NLN: variants seen among roughly 807,000 people sequenced by gnomAD.
NLN encodes the protein neurolysin, mitochondrial.
In NLN, 64 loss-of-function variants were observed where a neutral mutation model predicts 79.9. That is an observed-to-expected ratio of 0.80 (90% CI 0.65 to 0.99). NLN has a LOEUF of 0.99. Ranked by LOEUF, NLN falls within the 50% of genes least tolerant of loss-of-function variation. The probability of loss-of-function intolerance (pLI) is 0.00; values close to 1 mark genes in which losing one functional copy is unlikely to be tolerated. For synonymous variants in NLN, 267 were observed against 296.6 expected, an observed-to-expected ratio of 0.90 and a Z score of 1.02; for missense variants, 835 against 858.7, an observed-to-expected ratio of 0.97 and a Z score of 0.34.
chr5:65,724,330 A>G (rs1758407686), intron 1 of NLN, among the ~76,000 whole-genome samples: 1 of 152,296 alleles, frequency 6.6e-6, no homozygotes, highest in African/African-American at 2.4e-5. Flanking sequence ...GGTCCCTTAT[A>G]TAAGTGGAAT....
chr5:65,796,070 G>T (rs539572237), intron 9 of NLN, among the ~76,000 whole-genome samples: 1 of 152,024 alleles, frequency 6.6e-6, no homozygotes, highest in Non-Finnish European at 1.5e-5. Flanking sequence ...CAGACCCCTC[G>T]AAGCCCTCAC....
At chr5:65,761,781 T>C (rs1332564290) in intron 2 of NLN, among the ~76,000 whole-genome samples, 5 of 152,344 alleles carry the variant, frequency 3.3e-5, no homozygotes, top group East Asian at 3.9e-4. Context: ...TTTATTCTGA[T>C]ATTTGTGGCA....
intron 9 of NLN, among the ~76,000 whole-genome samples, chr5:65,800,939 T>C (rs1760273254): frequency 6.6e-6 from 1 of 152,064 alleles, no homozygotes; most frequent in Admixed American, 6.6e-5. Flanking sequence ...TCAATTCTCC[T>C]GCTTCTACGT....
rs1233471396 is a variant in NLN, at chr5:65,809,582, T to A, written c.1595T>A (p.Leu532His). 2 of 1,613,818 alleles carry A rather than the reference T, an allele frequency of 1.2e-6. No individual in the cohort carries two copies. Among genetic ancestry groups the A allele is most frequent in the African/African-American group, 2.7e-5 (2 of 74,924 alleles). ...TTTGTAGAGGTGCCATCGCAAATGCTTGAAAATTGGGTGTGGGACGTCGAT... is the reference window on the plus strand; with the variant it reads ...TTTGTAGAGGTGCCATCGCAAATGCATGAAAATTGGGTGTGGGACGTCGAT... ...TDFVEVPSQMLENWVWDVDSL... is the reference protein window; with the variant it reads ...TDFVEVPSQMHENWVWDVDSL... The change falls in exon 10 of 13, where the codon CTT (leucine) becomes CAT (histidine). Residue 532 changes from leucine (L) to histidine (H), a missense_variant. Coordinates refer to ENST00000380985, the MANE Select transcript of NLN (RefSeq NM_020726.5).
intron 4 of NLN, among the ~76,000 whole-genome samples, chr5:65,779,112 C>T (rs914803047): frequency 1.3e-5 from 2 of 152,116 alleles, no homozygotes; most frequent in Non-Finnish European, 2.9e-5. Context: ...CTGAACAGTG[C>T]GTTAGGTCAG....
At chr5:65,792,822 A>G (rs750289343) in intron 9 of NLN, 167 bp downstream of exon 9, 1 of 683,622 alleles carries the variant, frequency 1.5e-6, no homozygotes, top group South Asian at 1.5e-5. Context: ...GTCCTCTTTC[A>G]CAACATATTT....
chr5:65,787,635 ATGGGG>A (rs1164319202), intron 7 of NLN, among the ~76,000 whole-genome samples: 4 of 152,220 alleles, frequency 2.6e-5, no homozygotes, highest in Admixed American at 2.0e-4. Flanking sequence ...CTTCACAGAA[ATGGGG>A]TAATGAGAAA....
In NLN at chr5:65,733,154, G is replaced by A. The variant is rs901487223; in HGVS notation, c.41+10740G>A. Reference sequence around the variant, plus strand: ...TCTGTCATGCTTACCTAGCTGATCGGGACATGGAGTGTCTGTCTTAGTAAC... The same window carrying A: ...TCTGTCATGCTTACCTAGCTGATCGAGACATGGAGTGTCTGTCTTAGTAAC... On this transcript the variant is annotated intron_variant, in intron 1 of 12. Transcript: ENST00000380985. 13 of 1,482,344 alleles carry A rather than the reference G, an allele frequency of 8.8e-6. 3 individuals are homozygous for A. The highest frequency in any genetic ancestry group is 1.2e-5 in the Non-Finnish European group (13 of 1,074,238). 91.8% of individuals were successfully genotyped at this position (1,482,344 alleles called of 1,614,324 possible).
chr5:65,814,378 G>T (rs967721424), intron 12 of NLN, among the ~76,000 whole-genome samples: 2 of 152,106 alleles, frequency 1.3e-5, no homozygotes, highest in South Asian at 4.2e-4. Context: ...ACAAGTTTAT[G>T]TGTTCCCTTA....
At position 65,809,651 on chromosome 5, in the gene NLN, T is replaced by C. The variant is rs1417056085; in HGVS notation, c.1664T>C (p.Ile555Thr). The change falls in exon 10 of 13, where the codon ATT becomes ACT. Residue 555 changes from isoleucine to threonine, a missense_variant. By Grantham distance (89) the Ile-to-Thr change is moderately conservative (BLOSUM62 -1). Transcript: ENST00000380985. ...AAACATTATAAAGATGGAAGCCCTA[T>C]TGCAGACGATCTGCTTGAAAAACTT... ...LSKHYKDGSP[I>T]ADDLLEKLVA... 5 of 1,613,448 alleles carry C rather than the reference T, an allele frequency of 3.1e-6. No individual in the cohort carries two copies. The highest frequency in any genetic ancestry group is 4.2e-6 in the Non-Finnish European group (5 of 1,179,852).
chr5:65,809,268 T>G, intron 9 of NLN: 1 of 353,334 alleles, frequency 2.8e-6, no homozygotes, highest in Admixed American at 4.4e-5. Context: ...CTGATGATTG[T>G]TCCAACTTTG....
intron 9 of NLN, among the ~76,000 whole-genome samples, chr5:65,803,038 C>T (rs759152801): frequency 4.6e-5 from 7 of 152,194 alleles, no homozygotes; most frequent in Non-Finnish European, 1.0e-4. Context: ...AGCTGGTTGT[C>T]CTGACATCAG....
intron 2 of NLN, among the ~76,000 whole-genome samples, chr5:65,760,640 G>A (rs1045273467): frequency 3.4e-4 from 52 of 152,204 alleles, no homozygotes; most frequent in African/African-American, 1.3e-3. Flanking sequence ...AGCTTCCTGA[G>A]TAGCTGGGAC....
At chr5:65,786,733 A>G (rs756520911) in intron 7 of NLN, among the ~76,000 whole-genome samples, 2 of 152,178 alleles carry the variant, frequency 1.3e-5, no homozygotes, top group African/African-American at 4.8e-5. Flanking sequence ...ATGGTAGCAC[A>G]TGCCTGTAAT....
intron 1 of NLN, among the ~76,000 whole-genome samples, chr5:65,727,998 C>T (rs1758515204): frequency 6.6e-6 from 1 of 152,096 alleles, no homozygotes; most frequent in African/African-American, 2.4e-5. Context: ...GAACTCCTGA[C>T]CTCAAGTGAT....
At chr5:65,811,739 T>G (rs1760550736) in intron 11 of NLN, among the ~76,000 whole-genome samples, 1 of 151,978 alleles carries the variant, frequency 6.6e-6, no homozygotes, top group Non-Finnish European at 1.5e-5. Context: ...GGAGAATCCC[T>G]TGAACCTGGG....
chr5:65,754,743 C>T (rs194053), intron 1 of NLN, among the ~76,000 whole-genome samples: 34,161 of 152,096 alleles, frequency 0.22, 4,500 homozygotes, highest in South Asian at 0.36. Context: ...CCCAGAGGCC[C>T]CCTCCAACCA....
chr5:65,746,878 C>T (rs1758993006), intron 1 of NLN, among the ~76,000 whole-genome samples: 1 of 151,978 alleles, frequency 6.6e-6, no homozygotes, highest in African/African-American at 2.4e-5. Context: ...GTGGTGGGCA[C>T]CTGTAATCCC....
intron 1 of NLN, among the ~76,000 whole-genome samples, chr5:65,741,664 T>A (rs985864062): frequency 6.6e-6 from 1 of 152,232 alleles, no homozygotes; most frequent in Non-Finnish European, 1.5e-5. Flanking sequence ...AATTTATTCA[T>A]GTTTCTAGAG....
Sources: gnomAD v4.1 joint callset for allele counts (sites outside exome capture counted in the v4.1 genomes callset) on GRCh38, gnomAD v4.1.1 for gene constraint, MANE v1.5 for transcripts, NCBI Gene and HGNC (gene_info 2026-07-23, HGNC 2026-07-21) for gene names.